Variants in IFT74 observed in about 807,000 individuals in gnomAD.
IFT74 encodes intraflagellar transport 74, also known as intraflagellar transport protein 74 homolog.
A neutral mutation model predicts 96.7 loss-of-function variants in IFT74; 92 were observed. The ratio of observed to expected loss-of-function variants is 0.95; its 90% CI spans 0.80 to 1.13. IFT74 has a LOEUF of 1.13. Ranked by LOEUF, IFT74 falls within the 50% of genes most tolerant of loss-of-function variation. The pLI is 0.00. For missense variants in IFT74, 811 were observed against 698.2 expected (o/e 1.16, Z -1.82); for synonymous variants, 223 against 213.2 (o/e 1.05, Z -0.40).
intron 19 of IFT74, 69 bp downstream of exon 19, chr9:27,060,720 AGGC>A: frequency 2.7e-6 from 3 of 1,094,210 alleles, no homozygotes; most frequent in Non-Finnish European, 4.0e-6. Context: ...ACACTTTGGG[AGGC>A]CGAGGCAGGT....
intron 11 of IFT74, among the ~76,000 whole-genome samples, chr9:27,017,384 T>C (rs1293950252): frequency 6.6e-6 from 1 of 152,028 alleles, no homozygotes; most frequent in Non-Finnish European, 1.5e-5. Context: ...AACACACCAA[T>C]TTTTTATTTT....
intron 6 of IFT74, among the ~76,000 whole-genome samples, chr9:26,986,024 A>G (rs1005031893): frequency 6.6e-5 from 10 of 152,196 alleles, no homozygotes; most frequent in Non-Finnish European, 1.3e-4. Flanking sequence ...TATTGGCCCC[A>G]TGAAAATTTC....
At chr9:27,017,224 T>C (rs938517022) in intron 11 of IFT74, among the ~76,000 whole-genome samples, 174 bp downstream of exon 11, 1 of 152,038 alleles carries the variant, frequency 6.6e-6, no homozygotes, top group Admixed American at 6.6e-5. Flanking sequence ...TTTATTATTA[T>C]TATTATTATT....
At chr9:27,006,841 T>G (rs1350853267) in intron 8 of IFT74, among the ~76,000 whole-genome samples, 2 of 134,300 alleles carry the variant, frequency 1.5e-5, no homozygotes, top group East Asian at 4.1e-4. Flanking sequence ...GTTTTTTTTT[T>G]TTTTTTTTTT....
At chr9:27,045,472 TA>T (rs920776722) in intron 14 of IFT74, among the ~76,000 whole-genome samples, 3 of 152,176 alleles carry the variant, frequency 2.0e-5, no homozygotes, top group African/African-American at 7.2e-5. Context: ...TAGCTTTCCA[TA>T]ATACTTATCT....
chr9:27,005,925 C>T (rs532980019), intron 8 of IFT74, among the ~76,000 whole-genome samples: 9 of 152,222 alleles, frequency 5.9e-5, no homozygotes, highest in East Asian at 1.9e-4. Context: ...ATGCAACCTC[C>T]ACCTCCTGGG....
intron 6 of IFT74, among the ~76,000 whole-genome samples, chr9:26,987,260 A>T (rs1970187): frequency 0.17 from 25,058 of 151,568 alleles, 3,113 homozygotes; most frequent in East Asian, 0.7. Flanking sequence ...CCTGGGTAAT[A>T]TTTGTATTTT....
At chr9:27,047,788 T>A (rs1819756531) in intron 15 of IFT74, among the ~76,000 whole-genome samples, 2 of 152,244 alleles carry the variant, frequency 1.3e-5, no homozygotes, top group Admixed American at 1.3e-4. Flanking sequence ...GTATATGTAA[T>A]GAGTATCTCA....
chr9:27,019,642 C>T (rs1829504970), intron 12 of IFT74, among the ~76,000 whole-genome samples: 2 of 151,330 alleles, frequency 1.3e-5, no homozygotes, highest in African/African-American at 2.4e-5. Flanking sequence ...AAATAGTATT[C>T]CATTGTATGG....
intron 13 of IFT74, among the ~76,000 whole-genome samples, chr9:27,040,378 C>G (rs995377628): frequency 4.6e-5 from 7 of 151,822 alleles, no homozygotes; most frequent in African/African-American, 1.7e-4. Context: ...TAGTGAAACC[C>G]TGTCTCTGCT....
At chr9:27,049,960 T>C (rs191097555) in intron 16 of IFT74, among the ~76,000 whole-genome samples, 5 of 152,302 alleles carry the variant, frequency 3.3e-5, no homozygotes, top group Admixed American at 6.5e-5. Context: ...TAAACTGATA[T>C]AGCCAAGTTA....
intron 19 of IFT74, among the ~76,000 whole-genome samples, chr9:27,061,771 T>C (rs1353073023): frequency 6.6e-6 from 1 of 151,588 alleles, no homozygotes; most frequent in South Asian, 2.1e-4. Flanking sequence ...CAAAGGGAGG[T>C]AAACTAAGTA....
chr9:27,047,290 T>C lies in IFT74; in HGVS notation c.1125T>C (p.Phe375=), dbSNP rs759105269. The C allele has an allele frequency of 6.2e-7, 1 of 1,611,740 alleles. No homozygotes were observed. Among genetic ancestry groups the C allele is most frequent in the Non-Finnish European group, 8.5e-7 (1 of 1,178,074 alleles). Residue 375 remains phenylalanine, a synonymous_variant, in exon 15 of 20, where the codon TTT becomes TTC. Transcript: ENST00000380062. ...EEHMDTFIET[F]EETKNQELKR... is the part of the protein sequence containing the mutation. ...AATTGTCAGCTTTTATTGAGACTTT[T>C]GAGGAAACAAAGAATCAGGAACTGA...
At chr9:26,977,879 T>C (rs1381919558) in intron 2 of IFT74, among the ~76,000 whole-genome samples, 1 of 152,216 alleles carries the variant, frequency 6.6e-6, no homozygotes, top group East Asian at 1.9e-4. Context: ...TTATAAATAA[T>C]GTCTACATAT....
At chr9:27,013,137 A>G (rs1829187503) in intron 10 of IFT74, among the ~76,000 whole-genome samples, 1 of 152,176 alleles carries the variant, frequency 6.6e-6, no homozygotes, top group Non-Finnish European at 1.5e-5. Flanking sequence ...TGTAATCCCC[A>G]CAAGAGTCCT....
chr9:26,959,513 A>G (rs893631219), intron 1 of IFT74, among the ~76,000 whole-genome samples: 1 of 152,184 alleles, frequency 6.6e-6, no homozygotes, highest in Non-Finnish European at 1.5e-5. Context: ...GAAGGTAGGA[A>G]AGAATTGAAC....
intron 12 of IFT74, among the ~76,000 whole-genome samples, chr9:27,022,292 C>T (rs1250656136): frequency 6.6e-6 from 1 of 152,022 alleles, no homozygotes. Context: ...GTTCTTTTTG[C>T]TTAGTCTTGC....
intron 5 of IFT74, 47 bp from the exon 6 acceptor site, chr9:26,984,452 A>G: frequency 6.3e-7 from 1 of 1,587,594 alleles, no homozygotes; most frequent in South Asian, 1.1e-5. Flanking sequence ...TTTCTTATGT[A>G]TATTTTTATG....
intron 4 of IFT74, 153 bp from the exon 5 acceptor site, chr9:26,984,104 T>C: frequency 1.7e-6 from 1 of 586,464 alleles, no homozygotes; most frequent in East Asian, 3.9e-5. Flanking sequence ...TCATTCTTAA[T>C]GAAATAAGCC....
Sources: allele counts gnomAD v4.1 joint callset (sites outside exome capture counted in the v4.1 genomes callset), GRCh38; gene constraint gnomAD v4.1.1; transcripts MANE v1.5; gene names NCBI Gene and HGNC (gene_info 2026-07-23, HGNC 2026-07-21).